Variants in TKT observed in about 807,000 individuals in gnomAD.
The protein encoded by TKT is transketolase.
Under a neutral mutation model 63.9 loss-of-function variants are expected in TKT, and 47 were observed. The ratio of observed to expected loss-of-function variants is 0.74; its 90% confidence interval spans 0.58 to 0.94. The LOEUF is 0.94. Ranked by LOEUF, TKT falls within the 40% of genes least tolerant of loss-of-function variation. The probability of loss-of-function intolerance (pLI) is 0.00; values close to 1 mark genes in which losing one functional copy is unlikely to be tolerated. For synonymous variants in TKT, 338 were observed against 334.1 expected, an observed-to-expected ratio of 1.01 and a Z score of -0.13; for missense variants, 721 against 846.2, an observed-to-expected ratio of 0.85 and a Z score of 1.84.
chr3:53,233,150 A>G lies in TKT; in HGVS notation c.748+6T>C. On this transcript the variant is annotated splice_donor_region_variant and intron_variant, in intron 6 of 13. Coordinates refer to ENST00000462138, the MANE Select transcript of TKT (RefSeq NM_001064.4). ...AAGGTGGGGAGGGCGGCTTGTGCAT[A>G]CTGACCCGTGATCCCTCGGCCCTTG... is the stretch of plus-strand genomic sequence containing the variant. The G allele has an allele frequency of 6.2e-7, 1 of 1,612,622 alleles. No individual in the cohort carries two copies. The highest frequency in any genetic ancestry group is 8.5e-7 in the Non-Finnish European group (1 of 1,179,216).
chr3:53,231,286 G>C (rs558033122), intron 7 of TKT, 71 bp downstream of exon 7: 1 of 1,547,174 alleles, frequency 6.5e-7, no homozygotes, highest in South Asian at 1.2e-5. Context: ...GCCCTCCAGA[G>C]GGTGTATCTG....
chr3:53,243,355 C>T (rs1705366595), intron 1 of TKT, among the ~76,000 whole-genome samples: 1 of 151,912 alleles, frequency 6.6e-6, no homozygotes, highest in African/African-American at 2.4e-5. Flanking sequence ...TCAGCCCTCT[C>T]GCTGCTCCCA....
chr3:53,244,411 C>A (rs1336931539), intron 1 of TKT, among the ~76,000 whole-genome samples: 3 of 152,142 alleles, frequency 2.0e-5, no homozygotes, highest in Non-Finnish European at 4.4e-5. Flanking sequence ...CTGGGAGACA[C>A]AGTGAGATAA....
intron 1 of TKT, among the ~76,000 whole-genome samples, chr3:53,246,712 C>T (rs1236162701): frequency 6.6e-6 from 1 of 151,734 alleles, no homozygotes; most frequent in Non-Finnish European, 1.5e-5. Flanking sequence ...ATTAGCCGGG[C>T]ATGTGGCACA....
intron 1 of TKT, among the ~76,000 whole-genome samples, chr3:53,249,565 A>G (rs147683201): frequency 2.6e-5 from 4 of 152,240 alleles, no homozygotes; most frequent in African/African-American, 9.6e-5. Context: ...AGCCTGGGTG[A>G]CAGAGCGAGA....
intron 1 of TKT, among the ~76,000 whole-genome samples, chr3:53,249,982 G>C (rs2106728351): frequency 6.6e-6 from 1 of 152,334 alleles, no homozygotes; most frequent in South Asian, 2.1e-4. Flanking sequence ...ACAGGGGCCG[G>C]ACATCAGTTA....
In TKT at chr3:53,228,130, TC is replaced by T. The variant is rs782472713; in HGVS notation, c.1498del (p.Asp500MetfsTer4). On this transcript the variant is annotated frameshift_variant, in exon 12 of 14. Coordinates refer to ENST00000462138, the MANE Select transcript of TKT (RefSeq NM_001064.4). LOFTEE classifies it high-confidence loss of function. ...GQAKVVLKSKDDQVTVIGAGV... is the reference protein window; with the variant it reads ...GQAKVVLKSKXDQVTVIGAGV... ...AGCCCCGATAACGGTCACCTGGTCATCCTTGCTCTTCAGGACCACCTGGGGG... is the reference window on the plus strand; with the variant it reads ...AGCCCCGATAACGGTCACCTGGTCATCTTGCTCTTCAGGACCACCTGGGGG... The T allele has an allele frequency of 6.2e-7, 1 of 1,613,924 alleles. No individual in the cohort carries two copies. The highest frequency in any genetic ancestry group is 1.3e-5 in the African/African-American group (1 of 74,934).
At chr3:53,234,794 G>T in intron 5 of TKT, 189 bp downstream of exon 5, 1 of 514,062 alleles carries the variant, frequency 1.9e-6, no homozygotes, top group Non-Finnish European at 3.2e-6. Flanking sequence ...ACTGGGCCTG[G>T]CCCACATATC....
Position 53,255,836 on chromosome 3 carries a change from C to A in TKT, c.107G>T (p.Gly36Val). ...TCCCCGGCCGGCGCCGCGCACTCAC[C>A]CAGAGCCCGCCGCAGTGGTGGCCTG... ...SIQATTAAGS[G>V]HPTSCCSAAE... Residue 36 changes from glycine to valine, a missense_variant and splice_region_variant, in exon 1 of 14, where the codon GGC becomes GTC. Transcript: ENST00000462138. 6.6e-7 allele frequency: 1 copy of A among 1,525,634 alleles called. No individual in the cohort carries two copies. Among genetic ancestry groups the A allele is most frequent in the East Asian group, 2.8e-5 (1 of 36,072 alleles). The allele number at this position is 1,525,634 out of a possible 1,614,324, so 94.5% of individuals were successfully genotyped here.
At position 53,228,015 on chromosome 3, in the gene TKT, T is replaced by C. The variant is rs782444805; in HGVS notation, c.1573+41A>G. 5 of 1,569,372 alleles carry C rather than the reference T, an allele frequency of 3.2e-6. No homozygotes were observed. In the South Asian group the frequency reaches 4.5e-5, roughly 14 times the overall value. ...AAGAACCCCAAGACCTAGCATGCAG[T>C]GGCCGCTCAGTTGATGACTTTGGAG... On this transcript the variant is annotated intron_variant, in intron 12 of 13. Coordinates refer to ENST00000462138, the MANE Select transcript of TKT (RefSeq NM_001064.4).
chr3:53,247,011 G>T (rs1483573802), intron 1 of TKT, among the ~76,000 whole-genome samples: 1 of 151,822 alleles, frequency 6.6e-6, no homozygotes, highest in Non-Finnish European at 1.5e-5. Context: ...CTACACACAG[G>T]TTCATTATTT....
At chr3:53,247,463 C>T (rs974664808) in intron 1 of TKT, among the ~76,000 whole-genome samples, 18 of 151,436 alleles carry the variant, frequency 1.2e-4, no homozygotes, top group Admixed American at 2.6e-4. Context: ...GGCAAAACCC[C>T]GCCTCTACTA....
rs1209670102 is a variant in TKT, at chr3:53,235,181, A to G, written c.438-7T>C. The G allele has an allele frequency of 3.1e-6, 5 of 1,605,040 alleles. No individual in the cohort carries two copies. The highest frequency in any genetic ancestry group is 3.4e-6 in the Non-Finnish European group (4 of 1,174,780). Reference sequence around the variant, plus strand: ...CAAGCAATAGACTCGGTAGCTGTGGACAGAGAGTGAATCAGGCCAGTCCCT... The same window carrying G: ...CAAGCAATAGACTCGGTAGCTGTGGGCAGAGAGTGAATCAGGCCAGTCCCT... On this transcript the variant is annotated splice_region_variant and splice_polypyrimidine_tract_variant and intron_variant, in intron 4 of 13. Transcript: ENST00000462138.
At chr3:53,252,864 A>T (rs1553681850) in intron 1 of TKT, among the ~76,000 whole-genome samples, 1 of 151,624 alleles carries the variant, frequency 6.6e-6, no homozygotes. Context: ...TTTGAGAAGA[A>T]GTTTCAATTT....
intron 4 of TKT, among the ~76,000 whole-genome samples, chr3:53,239,370 T>C (rs1705173420): frequency 6.6e-6 from 1 of 152,016 alleles, no homozygotes; most frequent in South Asian, 2.1e-4. Context: ...GTGCAGTGGC[T>C]CAATCATGTA....
intron 1 of TKT, among the ~76,000 whole-genome samples, chr3:53,249,618 G>C (rs782559551): frequency 6.6e-6 from 1 of 152,100 alleles, no homozygotes; most frequent in South Asian, 2.1e-4. Flanking sequence ...GGTGCTAGGA[G>C]AGCTCAGTAG....
intron 4 of TKT, among the ~76,000 whole-genome samples, chr3:53,236,284 G>A (rs1553678611): frequency 6.6e-6 from 1 of 152,222 alleles, no homozygotes; most frequent in Non-Finnish European, 1.5e-5. Context: ...AGGCCTCCCT[G>A]CCGCAGGGCC....
chr3:53,234,691 TCCTC>T (rs1377246965), intron 5 of TKT: 3 of 284,298 alleles, frequency 1.1e-5, no homozygotes, highest in South Asian at 8.1e-5. Context: ...GAACCCTCCT[TCCTC>T]AAGAACAAAG....
In TKT at chr3:53,238,548, C is replaced by T. The variant is rs117265751; in HGVS notation, c.437+1703G>A. ...GTCCTTCAAGGACCCACAGTCTTCCCGAACCCCACTATGGCACTTCTGCTG... is the reference window on the plus strand; with the variant it reads ...GTCCTTCAAGGACCCACAGTCTTCCTGAACCCCACTATGGCACTTCTGCTG... On this transcript the variant is annotated intron_variant, in intron 4 of 13. Transcript: ENST00000462138. Among the ~76,000 whole-genome samples the T allele has an allele frequency of 5.2e-3, 796 of 152,322 alleles. 33 individuals are homozygous for T. In the South Asian group the frequency reaches 0.098, roughly 19 times the overall value.
Sources: gnomAD v4.1 joint callset for allele counts (sites outside exome capture counted in the v4.1 genomes callset) on GRCh38, gnomAD v4.1.1 for gene constraint, MANE v1.5 for transcripts, NCBI Gene and HGNC (gene_info 2026-07-23, HGNC 2026-07-21) for gene names.